ADAMTS17: variants seen among roughly 807,000 people sequenced by gnomAD.
ADAMTS17 encodes A disintegrin and metalloproteinase with thrombospondin motifs 17.
ADAMTS17 carries 113 observed loss-of-function variants against 141.5 expected under a neutral mutation model. The observed-to-expected ratio is 0.80, with a 90% CI of 0.69 to 0.93. ADAMTS17 has a LOEUF of 0.93. Ranked by LOEUF, ADAMTS17 falls within the 40% of genes least tolerant of loss-of-function variation. The pLI is 0.00. For synonymous variants in ADAMTS17, 768 were observed against 630.6 expected, an observed-to-expected ratio of 1.22 and a Z score of -3.27; for missense variants, 1,659 against 1,517.9, an observed-to-expected ratio of 1.09 and a Z score of -1.54.
chr15:100,059,863 A>T (rs1161336050), intron 15 of ADAMTS17, among the ~76,000 whole-genome samples: 2 of 151,902 alleles, frequency 1.3e-5, no homozygotes, highest in African/African-American at 2.4e-5. Flanking sequence ...TGCATAATGT[A>T]TTTTTTTTCC....
intron 18 of ADAMTS17, among the ~76,000 whole-genome samples, chr15:100,037,199 G>A (rs75383987): frequency 0.044 from 6,674 of 152,054 alleles, 303 homozygotes; most frequent in African/African-American, 0.11. Context: ...CTGACTTCTC[G>A]ACATCCTCAT....
chr15:100,293,823 G>A (rs2044722036), intron 3 of ADAMTS17, among the ~76,000 whole-genome samples: 2 of 152,220 alleles, frequency 1.3e-5, no homozygotes, highest in Non-Finnish European at 2.9e-5. Context: ...CATAGTTATT[G>A]AACGATTTGT....
intron 2 of ADAMTS17, 108 bp downstream of exon 2, chr15:100,340,931 C>A: frequency 2.7e-6 from 4 of 1,470,786 alleles, no homozygotes; most frequent in Non-Finnish European, 3.6e-6. Flanking sequence ...CTCCGGTTCC[C>A]CTGGAGGCTG....
intron 18 of ADAMTS17, among the ~76,000 whole-genome samples, chr15:100,007,417 CTTTT>C (rs34259452): frequency 6.8e-6 from 1 of 146,522 alleles, no homozygotes; most frequent in Non-Finnish European, 1.5e-5. Context: ...TGGTAGAAGA[CTTTT>C]TTTTTTTTTT....
chr15:100,086,122 C>T (rs969673907), intron 15 of ADAMTS17, among the ~76,000 whole-genome samples: 6 of 152,002 alleles, frequency 3.9e-5, no homozygotes, highest in South Asian at 2.1e-4. Context: ...CAGAGACACA[C>T]ATAGGCTCAA....
intron 3 of ADAMTS17, among the ~76,000 whole-genome samples, chr15:100,310,080 G>A (rs755613671): frequency 6.6e-6 from 1 of 152,210 alleles, no homozygotes; most frequent in African/African-American, 2.4e-5. Context: ...ACTAAGGCAG[G>A]CAGCTTTTCA....
At chr15:100,154,051 C>A (rs1291079808) in intron 9 of ADAMTS17, among the ~76,000 whole-genome samples, 1 of 152,126 alleles carries the variant, frequency 6.6e-6, no homozygotes, top group African/African-American at 2.4e-5. Context: ...TGTGGTGGCA[C>A]GTGCCGGTAA....
intron 4 of ADAMTS17, among the ~76,000 whole-genome samples, chr15:100,267,116 C>G (rs143538576): frequency 6.6e-6 from 1 of 152,262 alleles, no homozygotes; most frequent in African/African-American, 2.4e-5. Flanking sequence ...TTTTCATCCT[C>G]CAATACCGAA....
rs1216814183 is a variant in ADAMTS17, at chr15:99,997,833, C to A, written c.2592-244G>T. ...CTTTCTGCAACCAACACCCCTACGGCAGACAGAATTATCTGGTCACGGCCT... is the reference window on the plus strand; with the variant it reads ...CTTTCTGCAACCAACACCCCTACGGAAGACAGAATTATCTGGTCACGGCCT... On this transcript the variant is annotated intron_variant, in intron 18 of 21. Coordinates refer to ENST00000268070, the MANE Select transcript of ADAMTS17 (RefSeq NM_139057.4). This position sits in a 1 kb window ranked among gnomAD's most constrained non-coding sequence, Gnocchi z 4.7. 6.6e-6 allele frequency among the ~76,000 whole-genome samples: 1 copy of A among 152,202 alleles called. No homozygotes were observed. The highest frequency in any genetic ancestry group is 2.4e-5 in the African/African-American group (1 of 41,444).
At chr15:100,005,308 T>TA (rs990931847) in intron 18 of ADAMTS17, among the ~76,000 whole-genome samples, 1 of 152,194 alleles carries the variant, frequency 6.6e-6, no homozygotes, top group Non-Finnish European at 1.5e-5. Context: ...TTTATTATCT[T>TA]ACAGTTCTGG....
At chr15:100,148,208 G>T (rs1026578446) in intron 10 of ADAMTS17, among the ~76,000 whole-genome samples, 2 of 152,144 alleles carry the variant, frequency 1.3e-5, no homozygotes, top group East Asian at 3.8e-4. Context: ...AGGACATAAA[G>T]ATCTACCACA....
At chr15:100,117,706 T>C (rs2037225679) in intron 12 of ADAMTS17, among the ~76,000 whole-genome samples, 1 of 152,208 alleles carries the variant, frequency 6.6e-6, no homozygotes, top group Non-Finnish European at 1.5e-5. Context: ...TGGCAAAGCA[T>C]GGCTCTGCCC....
At chr15:100,262,672 T>A (rs1340801333) in intron 4 of ADAMTS17, among the ~76,000 whole-genome samples, 1 of 151,840 alleles carries the variant, frequency 6.6e-6, no homozygotes, top group East Asian at 1.9e-4. Context: ...CAGCTCTCTG[T>A]ACTAACTGAT....
intron 3 of ADAMTS17, among the ~76,000 whole-genome samples, chr15:100,292,589 C>T (rs1319431877): frequency 2.0e-5 from 3 of 152,044 alleles, no homozygotes; most frequent in Admixed American, 6.5e-5. Context: ...AGACACTAAC[C>T]CCGTGTGAAA....
At chr15:100,096,133 G>A (rs2035742142) in intron 15 of ADAMTS17, among the ~76,000 whole-genome samples, 1 of 152,234 alleles carries the variant, frequency 6.6e-6, no homozygotes, top group Admixed American at 6.5e-5. Context: ...TAAGTGGGGA[G>A]CTGTTTCCGT....
chr15:100,242,163 C>T (rs747009181), intron 7 of ADAMTS17, among the ~76,000 whole-genome samples: 1 of 152,142 alleles, frequency 6.6e-6, no homozygotes, highest in African/African-American at 2.4e-5. Context: ...GTTCTGACTC[C>T]GGAGGGTCAC....
At chr15:100,013,147 T>C (rs2061220850) in intron 18 of ADAMTS17, among the ~76,000 whole-genome samples, 1 of 152,206 alleles carries the variant, frequency 6.6e-6, no homozygotes, top group South Asian at 2.1e-4. Flanking sequence ...TTTGCAGCTA[T>C]TGTAAAAGGG....
At position 100,132,070 on chromosome 15, in the gene ADAMTS17, C is replaced by A; in HGVS notation, c.1658G>T (p.Ser553Ile). 1 of 1,614,224 alleles carries A rather than the reference C, an allele frequency of 6.2e-7. No individual in the cohort carries two copies. Among genetic ancestry groups the A allele is most frequent in the East Asian group, 2.2e-5 (1 of 44,884 alleles). Residue 553 changes from serine to isoleucine, a missense_variant, in exon 12 of 22, where the codon AGC (serine) becomes ATC (isoleucine). Physicochemically the swap from Ser to Ile is moderately radical, Grantham distance 142 (BLOSUM62 -2). Transcript: ENST00000268070. ...DGDWSPWGAW[S>I]MCSRTCGTGA... is the part of the protein sequence containing the mutation. The stretch of plus-strand genomic sequence containing the variant: ...CGTCCCACATGTTCGGCTGCACATG[C>A]TCCAGGCGCCCCACGGGCTCCAGTC...
intron 12 of ADAMTS17, among the ~76,000 whole-genome samples, chr15:100,120,802 A>G (rs76489992): frequency 0.015 from 2,280 of 152,356 alleles, 56 homozygotes; most frequent in African/African-American, 0.053. Context: ...TCTAGTTTTT[A>G]ATGAAAACAT....
Sources: allele counts gnomAD v4.1 joint callset (sites outside exome capture counted in the v4.1 genomes callset), GRCh38; gene constraint gnomAD v4.1.1; non-coding constraint Gnocchi (gnomAD v3.1); transcripts MANE v1.5; gene names NCBI Gene and HGNC (gene_info 2026-07-23, HGNC 2026-07-21).